The following OPCML variants were observed in gnomAD, a reference collection of about 807,000 sequenced individuals.
OPCML encodes opioid binding protein/cell adhesion molecule like.
In OPCML, 13 loss-of-function variants were observed where a neutral mutation model predicts 37.8. The observed-to-expected ratio is 0.34, with a 90% confidence interval of 0.22 to 0.55. The LOEUF is 0.55. OPCML is among the 20% of genes least tolerant of loss of function. The pLI, the probability that OPCML is intolerant of heterozygous loss-of-function variation, is 0.91. For synonymous variants in OPCML, 176 were observed against 168.8 expected (o/e 1.04, Z -0.33); for missense variants, 341 against 435.6 (o/e 0.78, Z 1.93).
intron 1 of OPCML, among the ~76,000 whole-genome samples, chr11:133,230,243 A>G (rs2136384809): frequency 6.6e-6 from 1 of 152,282 alleles, no homozygotes; most frequent in East Asian, 1.9e-4. Context: ...TGGAAAGGGG[A>G]ACACTCATCT....
chr11:132,559,989 ACT>A (rs976198068), intron 3 of OPCML, among the ~76,000 whole-genome samples: 6 of 152,330 alleles, frequency 3.9e-5, no homozygotes, highest in Admixed American at 3.9e-4. Context: ...CTATAGCCTC[ACT>A]CTGTGTGAGT....
intron 2 of OPCML, among the ~76,000 whole-genome samples, chr11:132,805,247 A>G: frequency 6.6e-6 from 1 of 152,294 alleles, no homozygotes. Flanking sequence ...AGAAGAAAAA[A>G]GGATTTTATG....
At chr11:133,485,322 A>G (rs1426454092) in intron 1 of OPCML, among the ~76,000 whole-genome samples, 1 of 152,192 alleles carries the variant, frequency 6.6e-6, no homozygotes, top group Non-Finnish European at 1.5e-5. Context: ...AATTAATGTA[A>G]TAAGAAATGC....
chr11:132,518,069 T>C (rs2096284083), intron 4 of OPCML, among the ~76,000 whole-genome samples: 1 of 152,170 alleles, frequency 6.6e-6, no homozygotes, highest in South Asian at 2.1e-4. Flanking sequence ...TTTAAAAAAT[T>C]ATTTTCTTTA....
At chr11:132,719,477 C>T (rs3018398) in intron 2 of OPCML, among the ~76,000 whole-genome samples, 52,487 of 151,924 alleles carry the variant, frequency 0.35, 9,362 homozygotes, top group East Asian at 0.7. Context: ...TACTTCTCCC[C>T]GGTTTAAATT....
intron 1 of OPCML, among the ~76,000 whole-genome samples, chr11:133,237,299 G>T (rs11607044): frequency 0.14 from 21,158 of 152,148 alleles, 2,269 homozygotes; most frequent in East Asian, 0.54. Flanking sequence ...CACATGCCCC[G>T]GCTGCTACAG....
At chr11:132,689,598 G>T (rs1943318398) in intron 2 of OPCML, among the ~76,000 whole-genome samples, 1 of 152,174 alleles carries the variant, frequency 6.6e-6, no homozygotes, top group Non-Finnish European at 1.5e-5. Flanking sequence ...GTCATAAATT[G>T]ATATTTAACA....
At chr11:133,210,651 A>G (rs1441800466) in intron 1 of OPCML, among the ~76,000 whole-genome samples, 2 of 152,194 alleles carry the variant, frequency 1.3e-5, no homozygotes, top group African/African-American at 4.8e-5. Context: ...AAATGGCTTT[A>G]GAGGAGCTAA....
At chr11:132,453,843 A>T (rs1174905620) in intron 4 of OPCML, among the ~76,000 whole-genome samples, 1 of 152,104 alleles carries the variant, frequency 6.6e-6, no homozygotes, top group African/African-American at 2.4e-5. Context: ...GGAGGAAGAG[A>T]CATTCTGGAA....
intron 1 of OPCML, among the ~76,000 whole-genome samples, chr11:133,530,368 T>C (rs1948580199): frequency 6.6e-6 from 1 of 152,230 alleles, no homozygotes. Flanking sequence ...AATGTTATGA[T>C]TTCTGCCATA....
At chr11:132,796,565 C>CTTTTTT (rs71067396) in intron 2 of OPCML, among the ~76,000 whole-genome samples, 19 of 88,582 alleles carry the variant, frequency 2.1e-4, no homozygotes, top group African/African-American at 4.1e-4. Context: ...TTTCTTCTTT[C>CTTTTTT]TTTTTTTTTT....
intron 1 of OPCML, among the ~76,000 whole-genome samples, chr11:133,499,378 T>C (rs1428287574): frequency 1.3e-5 from 2 of 152,216 alleles, no homozygotes; most frequent in East Asian, 1.9e-4. Flanking sequence ...GCTATCCAAA[T>C]AGTGTTAACA....
At chr11:133,426,101 T>G (rs1184999033) in intron 1 of OPCML, among the ~76,000 whole-genome samples, 1 of 152,162 alleles carries the variant, frequency 6.6e-6, no homozygotes, top group East Asian at 1.9e-4. Context: ...TAGTATAGAT[T>G]CTGTCTCCCT....
chr11:132,769,184 GA>G (rs1251030448), intron 2 of OPCML, among the ~76,000 whole-genome samples: 1 of 152,018 alleles, frequency 6.6e-6, no homozygotes, highest in African/African-American at 2.4e-5. Flanking sequence ...TACACTGAAA[GA>G]AGTGATAACT....
chr11:132,878,061 A>G (rs1164458330), intron 2 of OPCML, among the ~76,000 whole-genome samples: 1 of 152,184 alleles, frequency 6.6e-6, no homozygotes, highest in African/African-American at 2.4e-5. Context: ...ACATGCCTGT[A>G]GTTCCAGCTA....
At chr11:133,296,354 C>G (rs1447125060) in intron 1 of OPCML, among the ~76,000 whole-genome samples, 1 of 152,138 alleles carries the variant, frequency 6.6e-6, no homozygotes. Context: ...CAGTCATTGT[C>G]AGCCCATGAT....
intron 1 of OPCML, chr11:133,067,336 C>T (rs1948456496): frequency 6.6e-6 from 1 of 152,214 alleles, no homozygotes; most frequent in Admixed American, 6.5e-5. Flanking sequence ...CCAGGCTCCT[C>T]CCACTGCCAA....
At chr11:133,265,939 C>A (rs1218495049) in intron 1 of OPCML, among the ~76,000 whole-genome samples, 1 of 152,108 alleles carries the variant, frequency 6.6e-6, no homozygotes, top group Non-Finnish European at 1.5e-5. Flanking sequence ...TAATTAGTCC[C>A]AACAACTTCA....
intron 1 of OPCML, among the ~76,000 whole-genome samples, chr11:133,358,810 C>A (rs575529306): frequency 3.3e-5 from 5 of 152,050 alleles, no homozygotes; most frequent in African/African-American, 1.2e-4. Flanking sequence ...GGGGGGAAGG[C>A]GTGTTCCTTC....
Sources: allele counts gnomAD v4.1 joint callset (sites outside exome capture counted in the v4.1 genomes callset), GRCh38; gene constraint gnomAD v4.1.1; transcripts MANE v1.5; gene names NCBI Gene and HGNC (gene_info 2026-07-23, HGNC 2026-07-21).